Variants in DDRGK1 observed in about 807,000 individuals in gnomAD.
DDRGK1 encodes the protein DDRGK domain-containing protein 1.
In DDRGK1, 38 loss-of-function variants were observed where a neutral mutation model predicts 45.8. The ratio of observed to expected loss-of-function variants is 0.83; its 90% CI spans 0.64 to 1.09. The LOEUF (loss-of-function observed/expected upper bound fraction) is 1.09. DDRGK1 is among the 50% of genes least tolerant of loss of function. The pLI is 0.00. For synonymous variants in DDRGK1, 171 were observed against 168.7 expected (o/e 1.01, Z -0.11); for missense variants, 403 against 419.9 (o/e 0.96, Z 0.35).
At chr20:3,204,010 C>G (rs1484610889) in intron 1 of DDRGK1, among the ~76,000 whole-genome samples, 2 of 152,104 alleles carry the variant, frequency 1.3e-5, no homozygotes, top group African/African-American at 4.8e-5. Context: ...ACATGGCCTT[C>G]TGATCGGGGA....
chr20:3,197,371 T>G (rs1054011807), intron 4 of DDRGK1, among the ~76,000 whole-genome samples: 3 of 152,088 alleles, frequency 2.0e-5, no homozygotes, highest in African/African-American at 7.2e-5. Context: ...GTGACTTCTT[T>G]CCAAAGAAAT....
intron 8 of DDRGK1, 146 bp from the exon 9 acceptor site, chr20:3,190,965 T>C: frequency 2.2e-6 from 3 of 1,335,574 alleles, no homozygotes; most frequent in Non-Finnish European, 3.1e-6. Context: ...CCAGTCCTGC[T>C]AGGAGAGTCG....
intron 2 of DDRGK1, among the ~76,000 whole-genome samples, chr20:3,201,143 G>A (rs1480909817): frequency 1.3e-5 from 2 of 151,484 alleles, no homozygotes; most frequent in African/African-American, 4.8e-5. Flanking sequence ...AATTAGCCGG[G>A]CATGGTGGCG....
intron 4 of DDRGK1, among the ~76,000 whole-genome samples, chr20:3,196,582 G>A (rs2122234211): frequency 1.3e-5 from 2 of 152,150 alleles, no homozygotes; most frequent in Non-Finnish European, 2.9e-5. Context: ...TCGGGAGGCT[G>A]AGGCAGGAGA....
At chr20:3,204,356 G>C (rs1370779648) in intron 1 of DDRGK1, among the ~76,000 whole-genome samples, 181 bp downstream of exon 1, 1 of 152,164 alleles carries the variant, frequency 6.6e-6, no homozygotes, top group African/African-American at 2.4e-5. Flanking sequence ...GTAGCGGCGC[G>C]GCCACCGATT....
intron 1 of DDRGK1, among the ~76,000 whole-genome samples, chr20:3,203,723 A>G (rs2067052395): frequency 6.6e-6 from 1 of 152,162 alleles, no homozygotes; most frequent in Non-Finnish European, 1.5e-5. Context: ...TACCCCCTGC[A>G]GGAATCCACT....
At position 3,200,465 on chromosome 20, in the gene DDRGK1, T is replaced by C. The variant is rs1372838574; in HGVS notation, c.296-11A>G. 49 of 1,560,506 alleles carry C rather than the reference T, an allele frequency of 3.1e-5. No homozygotes were observed. The highest frequency in any genetic ancestry group is 4.3e-5 in the Non-Finnish European group (49 of 1,151,518). On this transcript the variant is annotated splice_polypyrimidine_tract_variant and intron_variant, in intron 2 of 8. Coordinates refer to ENST00000354488, the MANE Select transcript of DDRGK1 (RefSeq NM_023935.3). ...CTTCCTCCTCCTGGGCTGGGTATGGTCAAAGAAAGACAGTTCAGGTTCTGA... is the reference window on the plus strand; with the variant it reads ...CTTCCTCCTCCTGGGCTGGGTATGGCCAAAGAAAGACAGTTCAGGTTCTGA...
intron 4 of DDRGK1, among the ~76,000 whole-genome samples, chr20:3,198,936 A>G (rs1256053141): frequency 2.0e-5 from 3 of 149,518 alleles, no homozygotes; most frequent in African/African-American, 7.4e-5. Context: ...GAGTCTAGGA[A>G]TTCAAAAGCA....
At chr20:3,199,932 G>A (rs2067028203) in intron 4 of DDRGK1, 69 bp downstream of exon 4, 1 of 1,424,200 alleles carries the variant, frequency 7.0e-7, no homozygotes, top group Admixed American at 2.4e-5. Context: ...AGGTGCCAGG[G>A]AGCTGCATAA....
chr20:3,203,199 T>G lies in DDRGK1; in HGVS notation c.295+14A>C. 3 of 1,546,432 alleles carry G rather than the reference T, an allele frequency of 1.9e-6. No individual in the cohort carries two copies. Among genetic ancestry groups the G allele is most frequent in the Middle Eastern group, 1.7e-4 (1 of 5,764 alleles). On this transcript the variant is annotated intron_variant, in intron 2 of 8. Coordinates refer to ENST00000354488, the MANE Select transcript of DDRGK1 (RefSeq NM_023935.3). Reference sequence around the variant, plus strand: ...AACCCAAACCCTCTCCCCACCAGGCTGGGCCCCTCTCACCTAGGATGACAG... The same window carrying G: ...AACCCAAACCCTCTCCCCACCAGGCGGGGCCCCTCTCACCTAGGATGACAG...
chr20:3,200,850 C>A (rs1034817186), intron 2 of DDRGK1, among the ~76,000 whole-genome samples: 1 of 152,124 alleles, frequency 6.6e-6, no homozygotes, highest in East Asian at 1.9e-4. Flanking sequence ...GTGGCTCATG[C>A]CTGTAATCCC....
intron 1 of DDRGK1, among the ~76,000 whole-genome samples, chr20:3,203,859 T>C (rs115487039): frequency 0.023 from 3,510 of 150,702 alleles, 129 homozygotes; most frequent in African/African-American, 0.081. Context: ...GCGTGTCCCT[T>C]CCGCTCCTGG....
chr20:3,194,467 G>C (rs1171939624), intron 6 of DDRGK1, among the ~76,000 whole-genome samples: 1 of 152,252 alleles, frequency 6.6e-6, no homozygotes, highest in African/African-American at 2.4e-5. Context: ...CATGGCAGAG[G>C]ATGCTTGTTT....
intron 7 of DDRGK1, 199 bp downstream of exon 7, chr20:3,191,566 G>T (rs1600469934): frequency 1.4e-6 from 1 of 696,636 alleles, no homozygotes; most frequent in Non-Finnish European, 2.5e-6. Context: ...TGGGGTTTGG[G>T]TTTTTTTTTT....
At chr20:3,194,947 T>A in intron 5 of DDRGK1, 79 bp from the exon 6 acceptor site, 1 of 1,569,228 alleles carries the variant, frequency 6.4e-7, no homozygotes, top group Non-Finnish European at 8.7e-7. Flanking sequence ...AAGTACCACC[T>A]GCTCACTTGA....
intron 7 of DDRGK1, 140 bp from the exon 8 acceptor site, chr20:3,191,378 G>A (rs1174413750): frequency 3.1e-6 from 3 of 956,792 alleles, no homozygotes; most frequent in East Asian, 5.2e-5. Flanking sequence ...CTTTGCCTTT[G>A]GAAGGGCCCT....
chr20:3,201,514 T>G (rs568928405), intron 2 of DDRGK1, among the ~76,000 whole-genome samples: 140 of 150,632 alleles, frequency 9.3e-4, no homozygotes, highest in African/African-American at 3.3e-3. Context: ...CTTTAGATAT[T>G]GCATAGCCAC....
chr20:3,200,405 C>G lies in DDRGK1; in HGVS notation c.345G>C (p.Gly115=). 6.3e-7 allele frequency: 1 copy of G among 1,584,658 alleles called. No individual in the cohort carries two copies. Among genetic ancestry groups the G allele is most frequent in the Non-Finnish European group, 8.6e-7 (1 of 1,165,028 alleles). The change falls in exon 3 of 9, where the codon GGG becomes GGC. Residue 115 remains glycine (G), a synonymous_variant. Transcript: ENST00000354488. The part of the protein sequence containing the change: ...VEKPAETHLS[G]KIGAKKLRKL... ...TCCGCAGTTTCTTAGCTCCAATTTT[C>G]CCCGACAGGTGAGTTTCCGCTGGCT...
At chr20:3,196,513 TAA>T (rs11382727) in intron 4 of DDRGK1, among the ~76,000 whole-genome samples, 1 of 144,940 alleles carries the variant, frequency 6.9e-6, no homozygotes, top group Non-Finnish European at 1.5e-5. Flanking sequence ...CTGTCTCCAC[TAA>T]AAATACAAAA....
Sources: gnomAD v4.1 joint callset for allele counts (sites outside exome capture counted in the v4.1 genomes callset) on GRCh38, gnomAD v4.1.1 for gene constraint, MANE v1.5 for transcripts, NCBI Gene and HGNC (gene_info 2026-07-23, HGNC 2026-07-21) for gene names.